ARHGAP11A: variants seen among roughly 807,000 people sequenced by gnomAD.
ARHGAP11A encodes the protein Rho GTPase activating protein 11A, also known as rho GTPase-activating protein 11A.
ARHGAP11A carries 36 observed loss-of-function variants against 60.5 expected under a neutral mutation model. The observed-to-expected ratio is 0.59, with a 90% CI of 0.46 to 0.79. The LOEUF (loss-of-function observed/expected upper bound fraction) is 0.79. Ranked by LOEUF, ARHGAP11A falls within the 30% of genes least tolerant of loss-of-function variation. The pLI is 0.00. For missense variants in ARHGAP11A, 1,071 were observed against 1,199.2 expected, an observed-to-expected ratio of 0.89 and a Z score of 1.58; for synonymous variants, 362 against 415.5, an observed-to-expected ratio of 0.87 and a Z score of 1.57.
At chr15:32,620,213 A>C in intron 2 of ARHGAP11A, 35 bp downstream of exon 2, 2 of 1,602,928 alleles carry the variant, frequency 1.2e-6, no homozygotes, top group Non-Finnish European at 1.7e-6. Flanking sequence ...GGCCGGGTGC[A>C]GTGGCATATG....
Position 32,629,585 on chromosome 15 carries a change from A to AT in ARHGAP11A, c.938-4dup. 6.3e-7 allele frequency: 1 copy of AT among 1,587,960 alleles called. No homozygotes were observed. Among genetic ancestry groups the AT allele is most frequent in the Non-Finnish European group, 8.6e-7 (1 of 1,169,174 alleles). ...AGAAACAAGTTGGTTTTGTTTTGAT[A>AT]TTTTTTCAGCCCAGCTATCTGAATC... is the stretch of plus-strand genomic sequence containing the variant. On this transcript the variant is annotated splice_polypyrimidine_tract_variant and intron_variant, in intron 7 of 11. Transcript: ENST00000361627.
In ARHGAP11A at chr15:32,637,406, G is replaced by C. The variant is rs753922473; in HGVS notation, c.2633G>C (p.Gly878Ala). 2.2e-5 allele frequency: 35 copies of C among 1,614,034 alleles called. No homozygotes were observed. The highest frequency in any genetic ancestry group is 2.9e-5 in the Non-Finnish European group (34 of 1,180,032). The change falls in exon 12 of 12, where the codon GGT (glycine) becomes GCT (alanine). Residue 878 changes from glycine (G) to alanine (A), a missense_variant. By Grantham distance (60) the Gly-to-Ala change is moderately conservative. This residue lies in a region of ARHGAP11A where 776 missense variants were observed against 760.2 expected (regional missense o/e 1.02). Coordinates refer to ENST00000361627, the MANE Select transcript of ARHGAP11A (RefSeq NM_014783.6). ...TTGGTCAAATCAGTGAGCTGTGACG[G>C]TGCTCTTTCCTCTTGTATAGAAAGT... ...SPLVKSVSCD[G>A]ALSSCIESAS...
At position 32,624,143 on chromosome 15, in the gene ARHGAP11A, A is replaced by G. The variant is rs376659649; in HGVS notation, c.298-30A>G. ...TTTGCAATAAACTCTTAAGTTGCCA[A>G]AATACTCAAGATTATTATATTTATT... On this transcript the variant is annotated intron_variant, in intron 3 of 11. Coordinates refer to ENST00000361627, the MANE Select transcript of ARHGAP11A (RefSeq NM_014783.6). 1.3e-5 allele frequency: 21 copies of G among 1,609,314 alleles called. No individual in the cohort carries two copies. In the African/African-American group the frequency reaches 2.0e-4, roughly 15 times the overall value.
rs375587801 is a variant in ARHGAP11A, at chr15:32,637,276, C to T, written c.2503C>T (p.Arg835Cys). 23 of 1,614,042 alleles carry T rather than the reference C, an allele frequency of 1.4e-5. No individual in the cohort carries two copies. The highest frequency in any genetic ancestry group is 2.2e-5 in the East Asian group (1 of 44,896). Residue 835 changes from arginine to cysteine, a missense_variant, in exon 12 of 12, where the codon CGT (arginine) becomes TGT (cysteine). Around this residue, in one of 4 missense-constraint regions of ARHGAP11A, gnomAD observed 776 missense variants for 760.2 expected, o/e 1.02. Transcript: ENST00000361627. Reference protein sequence around the residue: ...IKVKSPLKFQRTPVRQSVRRI... With the variant: ...IKVKSPLKFQCTPVRQSVRRI... The stretch of plus-strand genomic sequence containing the variant: ...AGTCAAGTCACCTCTTAAGTTTCAG[C>T]GTACTCCTGTTCGTCAGTCCGTCAG...
At chr15:32,635,276 C>G (rs2140475360) in intron 10 of ARHGAP11A, among the ~76,000 whole-genome samples, 1 of 152,286 alleles carries the variant, frequency 6.6e-6, no homozygotes, top group East Asian at 1.9e-4. Flanking sequence ...AAATTATCTC[C>G]TCATCACCCT....
Position 32,615,899 on chromosome 15 carries a change from A to G in ARHGAP11A, c.-313A>G. On this transcript the variant is annotated 5_prime_UTR_variant, in exon 1 of 12. Transcript: ENST00000361627. ...ATCTGGCAATAGACGAGAAACCGAA[A>G]GAATCAGAAAGAAGTCTATGTGAGT... The G allele has an allele frequency of 2.6e-6, 1 of 390,552 alleles. No homozygotes were observed. The highest frequency in any genetic ancestry group is 4.6e-6 in the Non-Finnish European group (1 of 217,342). 24.2% of individuals were successfully genotyped at this position (390,552 alleles called of 1,614,324 possible).
Position 32,637,800 on chromosome 15 carries a change from C to T in ARHGAP11A, c.3027C>T (p.Ile1009=), listed in dbSNP as rs146017278. Residue 1009 remains isoleucine (I), a synonymous_variant, in exon 12 of 12, where the codon ATC becomes ATT. Coordinates refer to ENST00000361627, the MANE Select transcript of ARHGAP11A (RefSeq NM_014783.6). The stretch of plus-strand genomic sequence containing the variant: ...ACAAAGGTTCTCCAAAACATCCTAT[C>T]GGAAAAACTCAATTACTACCAACAA... ...AWYKGSPKHP[I]GKTQLLPTSK... 5.5e-5 allele frequency: 89 copies of T among 1,605,806 alleles called. No homozygotes were observed. Among genetic ancestry groups the T allele is most frequent in the Middle Eastern group, 3.3e-4 (2 of 6,038 alleles).
At chr15:32,618,310 A>G (rs2053210650) in intron 1 of ARHGAP11A, among the ~76,000 whole-genome samples, 1 of 152,216 alleles carries the variant, frequency 6.6e-6, no homozygotes, top group African/African-American at 2.4e-5. Flanking sequence ...CTAGTTATAT[A>G]TAGCAGAAGT....
chr15:32,620,537 ATC>A (rs1373407637), intron 2 of ARHGAP11A, among the ~76,000 whole-genome samples: 4 of 151,722 alleles, frequency 2.6e-5, no homozygotes, highest in African/African-American at 7.3e-5. Context: ...AAATGATTTA[ATC>A]TCTCATAATG....
rs1213465371 is a variant in ARHGAP11A, at chr15:32,639,880, G to A, written c.*2035G>A. ...GGAAATGATATGAAAGTGTCTGGAC[G>A]TGCAGTAACCTCATGGGTTCTTCTC... On this transcript the variant is annotated 3_prime_UTR_variant, in exon 12 of 12. Coordinates refer to ENST00000361627, the MANE Select transcript of ARHGAP11A (RefSeq NM_014783.6). 1 of 152,090 alleles carries A rather than the reference G, an allele frequency of 6.6e-6. No homozygotes were observed. Among genetic ancestry groups the A allele is most frequent in the Non-Finnish European group, 1.5e-5 (1 of 68,012 alleles). 9.4% of individuals were successfully genotyped at this position (152,090 alleles called of 1,614,324 possible).
chr15:32,616,508 T>G (rs959800194), intron 1 of ARHGAP11A, among the ~76,000 whole-genome samples, 168 bp downstream of exon 1: 1 of 152,064 alleles, frequency 6.6e-6, no homozygotes, highest in Non-Finnish European at 1.5e-5. Context: ...GACATTCTTG[T>G]TTTTTTTCCC....
chr15:32,624,430 A>C lies in ARHGAP11A; in HGVS notation c.551+4A>C. 1 of 1,607,632 alleles carries C rather than the reference A, an allele frequency of 6.2e-7. No homozygotes were observed. The highest frequency in any genetic ancestry group is 8.5e-7 in the Non-Finnish European group (1 of 1,177,954). On this transcript the variant is annotated splice_donor_region_variant and intron_variant, in intron 4 of 11. Coordinates refer to ENST00000361627, the MANE Select transcript of ARHGAP11A (RefSeq NM_014783.6). ...TTCTCAGGAATGTTTCTCTTAGGTA[A>C]GTGGTAATTAAAACTCTTGGCAAAT...
At chr15:32,627,005 A>G (rs535607448) in intron 6 of ARHGAP11A, among the ~76,000 whole-genome samples, 12 of 152,270 alleles carry the variant, frequency 7.9e-5, no homozygotes, top group African/African-American at 2.6e-4. Flanking sequence ...ACACAATGCA[A>G]CCCATAAAAC....
rs551092453 is a variant in ARHGAP11A, at chr15:32,637,690, C to G, written c.2917C>G (p.Pro973Ala). 6.2e-7 allele frequency: 1 copy of G among 1,614,130 alleles called. No homozygotes were observed. The highest frequency in any genetic ancestry group is 1.7e-5 in the Admixed American group (1 of 60,022). ...DDLTNHDIVK[P>A]VVNNNMGISS... ...TCTGACTAATCATGATATAGTAAAA[C>G]CAGTTGTAAATAACAACATGGGCAT... is the stretch of plus-strand genomic sequence containing the variant. Residue 973 changes from proline (P) to alanine (A), a missense_variant, in exon 12 of 12, where the codon CCA becomes GCA. Pro to Ala is a conservative substitution (Grantham distance 27). Around this residue, in one of 4 missense-constraint regions of ARHGAP11A, gnomAD observed 776 missense variants for 760.2 expected, o/e 1.02. Coordinates refer to ENST00000361627, the MANE Select transcript of ARHGAP11A (RefSeq NM_014783.6).
At chr15:32,633,911 T>C (rs1244503144) in intron 9 of ARHGAP11A, 22 bp from the exon 10 acceptor site, 6 of 1,511,520 alleles carry the variant, frequency 4.0e-6, no homozygotes, top group Non-Finnish European at 5.4e-6. Context: ...TAAACTGACA[T>C]TTTTAATTCC....
At chr15:32,633,189 C>G in intron 9 of ARHGAP11A, 81 bp downstream of exon 9, 1 of 1,488,240 alleles carries the variant, frequency 6.7e-7, no homozygotes, top group Non-Finnish European at 9.2e-7. Context: ...GTCTTTCTGT[C>G]AAGCATCATA....
In ARHGAP11A at chr15:32,636,970, CTAAA is replaced by C; in HGVS notation, c.2201_2204del (p.Asn734IlefsTer3). 1 of 1,609,578 alleles carries C rather than the reference CTAAA, an allele frequency of 6.2e-7. No homozygotes were observed. The highest frequency in any genetic ancestry group is 1.1e-5 in the South Asian group (1 of 89,734). On this transcript the variant is annotated frameshift_variant, in exon 12 of 12. Coordinates refer to ENST00000361627, the MANE Select transcript of ARHGAP11A (RefSeq NM_014783.6). LOFTEE classifies it low-confidence loss of function (END_TRUNC). ...GAAACAGCAGTCCCCAAAGGATAAACTAAATAATAAATTAAAAGAGAATGAGAAT... is the reference window on the plus strand; with the variant it reads ...GAAACAGCAGTCCCCAAAGGATAAACTAATAAATTAAAAGAGAATGAGAAT...
intron 10 of ARHGAP11A, among the ~76,000 whole-genome samples, chr15:32,634,707 T>C (rs1348006650): frequency 6.6e-6 from 1 of 152,224 alleles, no homozygotes; most frequent in Non-Finnish European, 1.5e-5. Context: ...AACAACACTT[T>C]TACCTGTGGT....
At chr15:32,634,159 C>T in intron 10 of ARHGAP11A, 118 bp downstream of exon 10, 1 of 691,030 alleles carries the variant, frequency 1.4e-6, no homozygotes, top group Non-Finnish European at 2.4e-6. Flanking sequence ...TTCTTTTTAT[C>T]CAAAACTCTT....
Sources: gnomAD v4.1 joint callset for allele counts (sites outside exome capture counted in the v4.1 genomes callset) on GRCh38, gnomAD v4.1.1 for gene constraint, gnomAD v4.1.1 regional missense constraint, MANE v1.5 for transcripts, NCBI Gene and HGNC (gene_info 2026-07-23, HGNC 2026-07-21) for gene names.